Variants in BZW2 observed in about 807,000 individuals in gnomAD.
The protein encoded by BZW2 is eIF5-mimic protein 1.
Under a neutral mutation model 53.2 loss-of-function variants are expected in BZW2, and 23 were observed. The observed-to-expected ratio is 0.43, with a 90% CI of 0.31 to 0.61. The LOEUF is 0.61. BZW2 is among the 20% of genes least tolerant of loss of function. The pLI is 0.09. For synonymous variants in BZW2, 227 were observed against 186.4 expected, an observed-to-expected ratio of 1.22 and a Z score of -1.77; for missense variants, 409 against 503.1, an observed-to-expected ratio of 0.81 and a Z score of 1.79.
At chr7:16,662,779 A>T (rs1481222363) in intron 1 of BZW2, among the ~76,000 whole-genome samples, 1 of 151,984 alleles carries the variant, frequency 6.6e-6, no homozygotes, top group Non-Finnish European at 1.5e-5. Flanking sequence ...AGAAAAAAGG[A>T]AGGAAGGAAG....
intron 3 of BZW2, among the ~76,000 whole-genome samples, chr7:16,679,211 G>A (rs2128360785): frequency 6.6e-6 from 1 of 152,286 alleles, no homozygotes; most frequent in Admixed American, 6.5e-5. Context: ...TTGGGGAAGT[G>A]ATAAATGTCC....
At chr7:16,692,764 A>G (rs921135729) in intron 7 of BZW2, among the ~76,000 whole-genome samples, 16 of 152,256 alleles carry the variant, frequency 1.1e-4, no homozygotes, top group African/African-American at 3.6e-4. Context: ...ACTCCGTCTC[A>G]AAACAAAACA....
chr7:16,703,264 G>A (rs1410747465), intron 10 of BZW2, among the ~76,000 whole-genome samples: 1 of 152,012 alleles, frequency 6.6e-6, no homozygotes, highest in Non-Finnish European at 1.5e-5. Context: ...TGCTTCCTTT[G>A]CAAAATGTAA....
intron 3 of BZW2, among the ~76,000 whole-genome samples, chr7:16,676,293 A>G (rs184651061): frequency 1.3e-5 from 2 of 152,284 alleles, no homozygotes; most frequent in East Asian, 3.9e-4. Context: ...TCACACCTGT[A>G]ATCCCAGCAC....
At chr7:16,650,570 T>A (rs767159860) in intron 1 of BZW2, among the ~76,000 whole-genome samples, 2 of 152,216 alleles carry the variant, frequency 1.3e-5, no homozygotes, top group Admixed American at 6.5e-5. Context: ...TTTGTGCAAT[T>A]TTTTAAACTG....
At chr7:16,663,365 A>G (rs760672496) in intron 1 of BZW2, among the ~76,000 whole-genome samples, 5 of 152,158 alleles carry the variant, frequency 3.3e-5, no homozygotes, top group Admixed American at 6.5e-5. Context: ...TGTATCCCCA[A>G]GCGTGATGTA....
At chr7:16,647,703 C>A (rs1781901765) in intron 1 of BZW2, among the ~76,000 whole-genome samples, 1 of 152,170 alleles carries the variant, frequency 6.6e-6, no homozygotes, top group South Asian at 2.1e-4. Context: ...TTTTGTAATG[C>A]TGTTAGTTCA....
chr7:16,695,530 C>T (rs1783452435), intron 8 of BZW2, among the ~76,000 whole-genome samples: 1 of 152,152 alleles, frequency 6.6e-6, no homozygotes, highest in Non-Finnish European at 1.5e-5. Context: ...AGCTGTGTTT[C>T]CCTATAATGT....
rs553689330 is a variant in BZW2 at position 16,657,527 on chromosome 7, A to G, written c.-7-7910A>G. ...TCTTTTTCTGCTCTCTTTAAAACCC[A>G]TATTCTTGCCTATCCTCTGCCCTTC... On this transcript the variant is annotated intron_variant, in intron 1 of 11. Coordinates refer to ENST00000258761, the MANE Select transcript of BZW2 (RefSeq NM_014038.3). 2.6e-5 allele frequency among the ~76,000 whole-genome samples: 4 copies of G among 152,272 alleles called. No homozygotes were observed. In the South Asian group the frequency reaches 8.3e-4, roughly 32 times the overall value.
chr7:16,658,811 G>T (rs1393008316), intron 1 of BZW2, among the ~76,000 whole-genome samples: 1 of 151,652 alleles, frequency 6.6e-6, no homozygotes, highest in Non-Finnish European at 1.5e-5. Context: ...GGAGGTGGAG[G>T]TTGTAGTGAG....
At chr7:16,652,902 T>C (rs956602022) in intron 1 of BZW2, among the ~76,000 whole-genome samples, 4 of 152,364 alleles carry the variant, frequency 2.6e-5, no homozygotes, top group Non-Finnish European at 5.9e-5. Context: ...AATTCAATTT[T>C]GTATGGTCCA....
At chr7:16,687,414 A>T (rs1783159228) in intron 6 of BZW2, 1 of 152,174 alleles carries the variant, frequency 6.6e-6, no homozygotes, top group Non-Finnish European at 1.5e-5. Flanking sequence ...TTGCTTCCTA[A>T]TTGGAAAAGG....
chr7:16,663,501 T>C (rs1782329005), intron 1 of BZW2, among the ~76,000 whole-genome samples: 1 of 152,160 alleles, frequency 6.6e-6, no homozygotes, highest in African/African-American at 2.4e-5. Flanking sequence ...ACGTTTTCAA[T>C]AATAAACAGA....
rs1384628400 is a variant in BZW2, at chr7:16,701,833, A to T, written c.1109-2714A>T. Among the ~76,000 whole-genome samples, 8 of 152,326 alleles carry T rather than the reference A, an allele frequency of 5.3e-5. No homozygotes were observed. The East Asian group carries it at 1.5e-3, about 29-fold the overall frequency. On this transcript the variant is annotated intron_variant, in intron 10 of 11. Coordinates refer to ENST00000258761, the MANE Select transcript of BZW2 (RefSeq NM_014038.3). ...GACTTCCTGAATTTCAGGATGTAGA[A>T]GAAAACAAAGAATTACACTCACCAT...
chr7:16,669,126 GT>G (rs1782523944), intron 2 of BZW2, among the ~76,000 whole-genome samples: 1 of 152,090 alleles, frequency 6.6e-6, no homozygotes, highest in African/African-American at 2.4e-5. Flanking sequence ...TGTAAATAAT[GT>G]TTTTTGTTTT....
At chr7:16,673,119 T>G (rs866579444) in intron 2 of BZW2, among the ~76,000 whole-genome samples, 15 of 152,106 alleles carry the variant, frequency 9.9e-5, no homozygotes, top group South Asian at 2.1e-4. Flanking sequence ...GCTAATTTTT[T>G]GTATTTTTAG....
chr7:16,647,862 C>T (rs2128348803), intron 1 of BZW2, among the ~76,000 whole-genome samples: 2 of 152,294 alleles, frequency 1.3e-5, no homozygotes, highest in South Asian at 4.1e-4. Flanking sequence ...CTAGTATTTC[C>T]ATCTCTTGTG....
At position 16,701,116 on chromosome 7, in the gene BZW2, G is replaced by T. The variant is rs1308572134; in HGVS notation, c.1108+2930G>T. 3.3e-5 allele frequency among the ~76,000 whole-genome samples: 5 copies of T among 152,064 alleles called. No individual in the cohort carries two copies. The East Asian group carries it at 7.7e-4, about 23-fold the overall frequency. On this transcript the variant is annotated intron_variant, in intron 10 of 11. Coordinates refer to ENST00000258761, the MANE Select transcript of BZW2 (RefSeq NM_014038.3). The stretch of plus-strand genomic sequence containing the variant: ...AATAAAAGCAAATAAACTAAATAAT[G>T]CTAGTCAGCAAAGAAAAAAGTGGTG...
At chr7:16,691,389 G>T (rs1460982442) in intron 7 of BZW2, among the ~76,000 whole-genome samples, 1 of 152,188 alleles carries the variant, frequency 6.6e-6, no homozygotes, top group Non-Finnish European at 1.5e-5. Context: ...CATATGAAGG[G>T]AACATATTTC....
Sources: allele counts gnomAD v4.1 joint callset (sites outside exome capture counted in the v4.1 genomes callset), GRCh38; gene constraint gnomAD v4.1.1; transcripts MANE v1.5; gene names NCBI Gene and HGNC (gene_info 2026-07-23, HGNC 2026-07-21).